The following NUP43 variants were observed in gnomAD, a reference collection of about 807,000 sequenced individuals.
NUP43 encodes nucleoporin Nup43.
A neutral mutation model predicts 47.3 loss-of-function variants in NUP43; 32 were observed. The ratio of observed to expected loss-of-function variants is 0.68; its 90% CI spans 0.51 to 0.91. The LOEUF (loss-of-function observed/expected upper bound fraction) is 0.91. Ranked by LOEUF, NUP43 falls within the 40% of genes least tolerant of loss-of-function variation. The pLI is 0.00. For synonymous variants in NUP43, 147 were observed against 158.4 expected (o/e 0.93, Z 0.54); for missense variants, 444 against 453.9 (o/e 0.98, Z 0.20).
At chr6:149,739,435 T>C (rs1017028379) in intron 4 of NUP43, among the ~76,000 whole-genome samples, 3 of 151,744 alleles carry the variant, frequency 2.0e-5, no homozygotes, top group African/African-American at 7.3e-5. Flanking sequence ...TACAGGTACA[T>C]GCCACCATGC....
At chr6:149,743,157 CAG>C (rs1013816895) in intron 3 of NUP43, among the ~76,000 whole-genome samples, 1 of 148,056 alleles carries the variant, frequency 6.8e-6, no homozygotes. Context: ...GCCTGGGTGA[CAG>C]AGAGAGACTC....
Position 149,745,402 on chromosome 6 carries a change from A to G in NUP43, c.243+538T>C, listed in dbSNP as rs76424029. Among the ~76,000 whole-genome samples the G allele has an allele frequency of 7.2e-5, 10 of 139,794 alleles. No individual in the cohort carries two copies. The South Asian group carries it at 1.9e-3, about 26-fold the overall frequency. The allele number at this position is 139,794 out of a possible 152,430, so 91.7% of individuals were successfully genotyped here. A position where few individuals can be genotyped will look rare whatever the true frequency, so the allele number is the denominator to read the frequency against. On this transcript the variant is annotated intron_variant, in intron 2 of 7. Coordinates refer to ENST00000340413, the MANE Select transcript of NUP43 (RefSeq NM_198887.3). ...GTGACAGAGCGAGACTCCATCTTGGAAAAAAAAAAAAAAAAGAAAACTCAA... is the reference window on the plus strand; with the variant it reads ...GTGACAGAGCGAGACTCCATCTTGGGAAAAAAAAAAAAAAAGAAAACTCAA...
In NUP43 at chr6:149,734,211, T is replaced by C. The variant is rs548488255; in HGVS notation, c.790+2260A>G. 2.5e-4 allele frequency among the ~76,000 whole-genome samples: 38 copies of C among 152,204 alleles called. No homozygotes were observed. The South Asian group carries it at 7.9e-3, about 32-fold the overall frequency. On this transcript the variant is annotated intron_variant, in intron 6 of 7. Coordinates refer to ENST00000340413, the MANE Select transcript of NUP43 (RefSeq NM_198887.3). ...TTAGCTAGGTGTAGTGGCATATACC[T>C]GTAGTCCCAGCTACTCAGAAGGGCA...
intron 6 of NUP43, 146 bp downstream of exon 6, chr6:149,736,325 G>C (rs1363665517): frequency 3.8e-6 from 2 of 528,488 alleles, no homozygotes; most frequent in African/African-American, 3.9e-5. Context: ...CGAGTAAAAA[G>C]AAATTACATA....
chr6:149,744,666 T>C (rs1197486063), intron 2 of NUP43, among the ~76,000 whole-genome samples: 2 of 151,558 alleles, frequency 1.3e-5, no homozygotes, highest in Non-Finnish European at 2.9e-5. Context: ...TGAAACTCCA[T>C]CTCTACTAAA....
At chr6:149,742,608 A>G in intron 3 of NUP43, 38 bp from the exon 4 acceptor site, 1 of 1,498,394 alleles carries the variant, frequency 6.7e-7, no homozygotes, top group Non-Finnish European at 9.3e-7. Flanking sequence ...AAAGCAAAGT[A>G]CTAAGGAATT....
rs779184914 is a variant in NUP43 at position 149,742,480 on chromosome 6, C to T, written c.412G>A (p.Val138Met). 2.5e-5 allele frequency: 41 copies of T among 1,613,838 alleles called. No homozygotes were observed. The highest frequency in any genetic ancestry group is 3.3e-5 in the Non-Finnish European group (39 of 1,179,806). The change falls in exon 4 of 8, where the codon GTG becomes ATG. Residue 138 changes from valine to methionine, a missense_variant. Physicochemically the swap from Val to Met is conservative, Grantham distance 21. Transcript: ENST00000340413. ...SYSSAPCTGV[V>M]CNNPEIVTVG... ...GTAACGATTTCTGGGTTGTTGCACA[C>T]AACACCTGTACATGGTGCACTGCTA...
intron 7 of NUP43, chr6:149,728,350 G>A (rs991663472): frequency 1.0e-6 from 1 of 984,886 alleles, no homozygotes; most frequent in African/African-American, 1.7e-5. Context: ...GCGGTTAGGG[G>A]AGGAAGGAAG....
At chr6:149,735,604 A>AAAAAT (rs2115107168) in intron 6 of NUP43, among the ~76,000 whole-genome samples, 1 of 149,608 alleles carries the variant, frequency 6.7e-6, no homozygotes, top group African/African-American at 2.5e-5. Flanking sequence ...TCTCCAAAAA[A>AAAAAT]AAAAAAAAAA....
In NUP43 at chr6:149,736,620, G is replaced by A. The variant is rs1190712309; in HGVS notation, c.641C>T (p.Thr214Ile). ...GNEPSQILSL[T>I]GDRVPLHCVD... ...ACAGTGGAGTGGCACTCGGTCACCAGTCCTTTTGTGGGAGATAACAATGAC... is the reference window on the plus strand; with the variant it reads ...ACAGTGGAGTGGCACTCGGTCACCAATCCTTTTGTGGGAGATAACAATGAC... Residue 214 changes from threonine (T) to isoleucine (I), a missense_variant and splice_region_variant, in exon 6 of 8, where the codon ACT becomes ATT. Thr to Ile is a moderately conservative substitution (Grantham distance 89). Transcript: ENST00000340413. 5.7e-6 allele frequency: 9 copies of A among 1,576,734 alleles called. No individual in the cohort carries two copies. Among genetic ancestry groups the A allele is most frequent in the Admixed American group, 1.7e-5 (1 of 58,954 alleles).
intron 6 of NUP43, among the ~76,000 whole-genome samples, chr6:149,732,289 T>C (rs1354401296): frequency 6.6e-6 from 1 of 151,760 alleles, no homozygotes; most frequent in Non-Finnish European, 1.5e-5. Context: ...CTCATGCTTG[T>C]AATCCTAACA....
chr6:149,729,597 C>T, intron 7 of NUP43: 9 of 890,294 alleles, frequency 1.0e-5, no homozygotes, highest in Non-Finnish European at 1.2e-5. Flanking sequence ...CTGGGTTTTC[C>T]CTTTTCTTCC....
intron 6 of NUP43, among the ~76,000 whole-genome samples, chr6:149,734,687 A>G (rs1785227461): frequency 6.6e-6 from 1 of 151,210 alleles, no homozygotes; most frequent in Admixed American, 6.6e-5. Flanking sequence ...AGTCCCAGCT[A>G]CTAGGGAGGC....
At chr6:149,746,143 G>A in intron 1 of NUP43, 81 bp from the exon 2 acceptor site, 2 of 1,508,742 alleles carry the variant, frequency 1.3e-6, no homozygotes, top group South Asian at 1.2e-5. Context: ...GTCCGGAAAT[G>A]TTGCTCCAAA....
At chr6:149,745,272 C>A (rs564647976) in intron 2 of NUP43, among the ~76,000 whole-genome samples, 3 of 151,052 alleles carry the variant, frequency 2.0e-5, no homozygotes, top group Admixed American at 2.0e-4. Context: ...TGGTGGCCTG[C>A]GCCTGTAGTC....
intron 6 of NUP43, among the ~76,000 whole-genome samples, 193 bp downstream of exon 6, chr6:149,736,278 C>CA (rs1336977252): frequency 6.6e-6 from 1 of 150,666 alleles, no homozygotes; most frequent in African/African-American, 2.4e-5. Flanking sequence ...TCTCCGTCTC[C>CA]AAAAAAACAA....
At position 149,726,683 on chromosome 6, in the gene NUP43, G is replaced by C. The variant is rs190886090; in HGVS notation, c.*286C>G. On this transcript the variant is annotated 3_prime_UTR_variant, in exon 8 of 8. Coordinates refer to ENST00000340413, the MANE Select transcript of NUP43 (RefSeq NM_198887.3). ...CAAAAATAAAGAATTAGTTCCACAA[G>C]CTGTCTGTCAATAATACTCTGAAGG... The C allele has an allele frequency of 1.7e-5, 7 of 400,508 alleles. No homozygotes were observed. The highest frequency in any genetic ancestry group is 1.1e-4 in the Admixed American group (3 of 26,166). The allele number at this position is 400,508 out of a possible 1,614,324, so 24.8% of individuals were successfully genotyped here.
intron 7 of NUP43, among the ~76,000 whole-genome samples, chr6:149,730,774 A>AT (rs1784994697): frequency 6.6e-6 from 1 of 151,330 alleles, no homozygotes; most frequent in South Asian, 2.1e-4. Flanking sequence ...CTACAAAAAA[A>AT]TTAAAAAAAA....
At position 149,727,162 on chromosome 6, in the gene NUP43, C is replaced by T. The variant is rs1784827221; in HGVS notation, c.950G>A (p.Ser317Asn). ...AGACTGGTGAACATTAGCTTGGTTA[C>T]TAATGCTATGAGACAAAAAAGTACT... ...RSSTFLSHSI[S>N]NQANVHQSVI... The change falls in exon 8 of 8, where the codon AGT becomes AAT. Residue 317 changes from serine to asparagine, a missense_variant. By Grantham distance (46) the Ser-to-Asn change is conservative (BLOSUM62 1). Transcript: ENST00000340413. 6.2e-7 allele frequency: 1 copy of T among 1,613,998 alleles called. No homozygotes were observed. Among genetic ancestry groups the T allele is most frequent in the African/African-American group, 1.3e-5 (1 of 74,982 alleles).
Sources: allele counts gnomAD v4.1 joint callset (sites outside exome capture counted in the v4.1 genomes callset), GRCh38; gene constraint gnomAD v4.1.1; transcripts MANE v1.5; gene names NCBI Gene and HGNC (gene_info 2026-07-23, HGNC 2026-07-21).